LRP1B: variants seen among roughly 807,000 people sequenced by gnomAD.
The protein encoded by LRP1B is LDL receptor related protein 1B, also known as low-density lipoprotein receptor-related protein 1B.
A neutral mutation model predicts 556.6 loss-of-function variants in LRP1B; 217 were observed. The ratio of observed to expected loss-of-function variants is 0.39; its 90% CI spans 0.35 to 0.44. LRP1B has a LOEUF of 0.44. LRP1B is among the 20% of genes least tolerant of loss of function. The probability of loss-of-function intolerance (pLI) is 1.00; values close to 1 mark genes in which losing one functional copy is unlikely to be tolerated. For missense variants in LRP1B, 5,053 were observed against 5,620.8 expected, an observed-to-expected ratio of 0.90 and a Z score of 3.23; for synonymous variants, 2,047 against 1,865.8, an observed-to-expected ratio of 1.10 and a Z score of -2.50.
intron 63 of LRP1B, among the ~76,000 whole-genome samples, chr2:140,446,505 T>C (rs1686665374): frequency 6.6e-6 from 1 of 152,116 alleles, no homozygotes; most frequent in Non-Finnish European, 1.5e-5. Flanking sequence ...GCATCTCTTA[T>C]TGTCTGCAGG....
intron 7 of LRP1B, among the ~76,000 whole-genome samples, chr2:141,096,502 C>T (rs1178574525): frequency 6.6e-6 from 1 of 151,952 alleles, no homozygotes; most frequent in Admixed American, 6.6e-5. Flanking sequence ...GCAGGAGAAT[C>T]GCTTGAATTG....
intron 3 of LRP1B, among the ~76,000 whole-genome samples, chr2:141,297,990 A>C (rs1296928932): frequency 6.6e-6 from 1 of 152,210 alleles, no homozygotes; most frequent in East Asian, 1.9e-4. Flanking sequence ...ACAATAACAA[A>C]ATTGCCTAAC....
Position 140,532,455 on chromosome 2 carries a change from G to A in LRP1B, c.7762+1566C>T, listed in dbSNP as rs190599057. Among the ~76,000 whole-genome samples the A allele has an allele frequency of 4.3e-4, 65 of 152,106 alleles. 1 individual carries two copies. Among genetic ancestry groups the A allele is most frequent in the African/African-American group, 1.5e-3 (61 of 41,524 alleles). On this transcript the variant is annotated intron_variant, in intron 47 of 90. Transcript: ENST00000389484. Reference sequence around the variant, plus strand: ...CTCTATCACCAAGCTGGAGTGCAGTGATGTGATCTCAACTCACTGCAACCT... The same window carrying A: ...CTCTATCACCAAGCTGGAGTGCAGTAATGTGATCTCAACTCACTGCAACCT...
intron 2 of LRP1B, among the ~76,000 whole-genome samples, chr2:141,518,770 G>A (rs562905271): frequency 1.6e-3 from 247 of 152,232 alleles, no homozygotes; most frequent in African/African-American, 5.7e-3. Context: ...CCAACATGGT[G>A]AAACCCTGTC....
intron 51 of LRP1B, 28 bp downstream of exon 51, chr2:140,514,625 G>T (rs1249150977): frequency 1.9e-6 from 3 of 1,588,730 alleles, no homozygotes; most frequent in South Asian, 2.3e-5. Context: ...CTTAAAAACT[G>T]ATTGAGGACA....
chr2:140,748,129 ATAT>A (rs1688386869), intron 35 of LRP1B, among the ~76,000 whole-genome samples: 2 of 69,452 alleles, frequency 2.9e-5, no homozygotes, highest in Non-Finnish European at 5.8e-5. Flanking sequence ...ATATATATAT[ATAT>A]ATATAATTCA....
At chr2:141,864,839 G>C (rs775801686) in intron 1 of LRP1B, among the ~76,000 whole-genome samples, 2 of 152,094 alleles carry the variant, frequency 1.3e-5, no homozygotes, top group Admixed American at 6.5e-5. Flanking sequence ...CCGAGATCAC[G>C]CCACTGCACT....
At chr2:140,809,247 A>T (rs1016191817) in intron 32 of LRP1B, among the ~76,000 whole-genome samples, 3 of 151,924 alleles carry the variant, frequency 2.0e-5, no homozygotes, top group Admixed American at 6.6e-5. Flanking sequence ...GTATTTTTTT[A>T]AAAAAAAATT....
At chr2:140,339,783 G>A (rs1010295720) in intron 77 of LRP1B, among the ~76,000 whole-genome samples, 3 of 151,306 alleles carry the variant, frequency 2.0e-5, no homozygotes, top group African/African-American at 4.8e-5. Context: ...ATACAGCAGT[G>A]GAGAAATCCT....
At chr2:140,433,068 G>A (rs1267629567) in intron 66 of LRP1B, among the ~76,000 whole-genome samples, 4 of 152,152 alleles carry the variant, frequency 2.6e-5, no homozygotes, top group Non-Finnish European at 5.9e-5. Context: ...TAAAACTTTA[G>A]AAGTGTCTCC....
intron 82 of LRP1B, among the ~76,000 whole-genome samples, chr2:140,317,757 T>TTTACCTG (rs1205473259): frequency 1.3e-5 from 2 of 152,240 alleles, no homozygotes; most frequent in East Asian, 3.9e-4. Context: ...GGTACTCATT[T>TTTACCTG]TTACCTGTCA....
At chr2:140,623,921 T>C (rs922225718) in intron 41 of LRP1B, among the ~76,000 whole-genome samples, 27 of 136,992 alleles carry the variant, frequency 2.0e-4, no homozygotes, top group African/African-American at 6.9e-4. Flanking sequence ...TTCGTCTCAA[T>C]ATATTTTATA....
chr2:141,544,340 C>CTTCTTCTT (rs1559131207), intron 2 of LRP1B, among the ~76,000 whole-genome samples: 104 of 73,260 alleles, frequency 1.4e-3, no homozygotes, highest in African/African-American at 2.2e-3. Flanking sequence ...TCTTCTTCTT[C>CTTCTTCTT]TTCTTCTTCT....
In LRP1B at chr2:140,906,953, G is replaced by C. The variant is rs1295629482; in HGVS notation, c.3520+924C>G. On this transcript the variant is annotated intron_variant, in intron 22 of 90. Coordinates refer to ENST00000389484, the MANE Select transcript of LRP1B (RefSeq NM_018557.3). ...TTTATAAAATCATGACTTAAAAAAA[G>C]ACATTTTACCACATATGGTAAAAAA... 5.7e-5 allele frequency among the ~76,000 whole-genome samples: 8 copies of C among 139,154 alleles called. No homozygotes were observed. The East Asian group carries it at 1.6e-3, about 28-fold the overall frequency. The allele number at this position is 139,154 out of a possible 152,430, so 91.3% of individuals were successfully genotyped here. A position where few individuals can be genotyped will look rare whatever the true frequency, so the allele number is the denominator to read the frequency against.
chr2:140,463,373 T>C (rs190412332), intron 60 of LRP1B, among the ~76,000 whole-genome samples: 5 of 152,296 alleles, frequency 3.3e-5, no homozygotes, highest in African/African-American at 1.2e-4. Context: ...AATAATTATG[T>C]ATGTCTCCTT....
intron 52 of LRP1B, among the ~76,000 whole-genome samples, chr2:140,507,511 C>G (rs10192329): frequency 1.3e-5 from 2 of 151,952 alleles, no homozygotes; most frequent in African/African-American, 4.8e-5. Flanking sequence ...AAGTACCACA[C>G]AAATGAAATG....
chr2:141,823,247 A>T (rs1224800300), intron 1 of LRP1B, among the ~76,000 whole-genome samples: 1 of 152,136 alleles, frequency 6.6e-6, no homozygotes, highest in Non-Finnish European at 1.5e-5. Flanking sequence ...AAAAGAAAAA[A>T]AAAGCTTGTG....
At position 141,579,724 on chromosome 2, in the gene LRP1B, C is replaced by CTTTTTTTTTTTTTTTTTTTTTTT. The variant is rs33913417; in HGVS notation, c.206-99192_206-99191insAAAAAAAAAAAAAAAAAAAAAAA. On this transcript the variant is annotated intron_variant, in intron 2 of 90. Coordinates refer to ENST00000389484, the MANE Select transcript of LRP1B (RefSeq NM_018557.3). The stretch of plus-strand genomic sequence containing the variant: ...CATAAGGAAAACATATCAGGTTTCA[C>CTTTTTTTTTTTTTTTTTTTTTTT]TTTTTTTTTTTTTTTTTTGAGACGG... 6.2e-4 allele frequency among the ~76,000 whole-genome samples: 63 copies of CTTTTTTTTTTTTTTTTTTTTTTT among 100,956 alleles called. 10 individuals are homozygous for CTTTTTTTTTTTTTTTTTTTTTTT. The highest frequency in any genetic ancestry group is 2.1e-3 in the African/African-American group (48 of 22,470). 66.2% of individuals were successfully genotyped at this position (100,956 alleles called of 152,430 possible).
chr2:140,868,190 T>C lies in LRP1B; in HGVS notation c.4243A>G (p.Lys1415Glu), dbSNP rs1347542311. ...ESASMSGAGR[K>E]TIYKDMKTGA... ...GTTTTCATGTCTTTATAGATGGTTT[T>C]TCTCCCAGCACCACTCATAGAGGCA... Residue 1415 changes from lysine to glutamate, a missense_variant, in exon 26 of 91, where the codon AAA becomes GAA. Coordinates refer to ENST00000389484, the MANE Select transcript of LRP1B (RefSeq NM_018557.3). 3 of 1,611,798 alleles carry C rather than the reference T, an allele frequency of 1.9e-6. No homozygotes were observed. Among genetic ancestry groups the C allele is most frequent in the Non-Finnish European group, 2.5e-6 (3 of 1,178,828 alleles).
Sources: gnomAD v4.1 joint callset for allele counts (sites outside exome capture counted in the v4.1 genomes callset) on GRCh38, gnomAD v4.1.1 for gene constraint, MANE v1.5 for transcripts, NCBI Gene and HGNC (gene_info 2026-07-23, HGNC 2026-07-21) for gene names.